The following USP10 variants were observed in gnomAD, a reference collection of about 807,000 sequenced individuals.
USP10 encodes the protein ubiquitin carboxyl-terminal hydrolase 10.
Under a neutral mutation model 84.5 loss-of-function variants are expected in USP10, and 22 were observed. The observed-to-expected ratio is 0.26, with a 90% CI of 0.19 to 0.37. The LOEUF is 0.37. Among genes scored for constraint, USP10 ranks in the 10% least tolerant of loss-of-function variants. The probability of loss-of-function intolerance (pLI) is 1.00; values close to 1 mark genes in which losing one functional copy is unlikely to be tolerated. For missense variants in USP10, 1,019 were observed against 998.9 expected, an observed-to-expected ratio of 1.02 and a Z score of -0.27; for synonymous variants, 454 against 387.6, an observed-to-expected ratio of 1.17 and a Z score of -2.01.
At chr16:84,762,928 G>A (rs2150855049) in intron 8 of USP10, 61 bp from the exon 9 acceptor site, 2 of 1,040,600 alleles carry the variant, frequency 1.9e-6, no homozygotes, top group East Asian at 4.9e-5. Flanking sequence ...AGTACTGCAT[G>A]TCCTGCAGGC....
At chr16:84,720,365 C>G (rs1472531672) in intron 1 of USP10, among the ~76,000 whole-genome samples, 1 of 152,082 alleles carries the variant, frequency 6.6e-6, no homozygotes, top group African/African-American at 2.4e-5. Context: ...ATGTAGCACT[C>G]TGTTTAATGA....
chr16:84,752,312 GA>G (rs1441285206), intron 4 of USP10, among the ~76,000 whole-genome samples: 1 of 152,162 alleles, frequency 6.6e-6, no homozygotes, highest in African/African-American at 2.4e-5. Context: ...ATGATGAATT[GA>G]AAAGAAGGCT....
chr16:84,744,665 G>C lies in USP10; in HGVS notation c.184G>C (p.Asp62His), dbSNP rs775663135. The change falls in exon 4 of 14, where the codon GAT becomes CAT. Residue 62 changes from aspartate to histidine, a missense_variant. By Grantham distance (81) the Asp-to-His change is moderately conservative (BLOSUM62 -1). Around this residue, in one of 2 missense-constraint regions of USP10, gnomAD observed 787 missense variants for 708.8 expected, o/e 1.11. Transcript: ENST00000219473. ...QEYQRIEFGV[D>H]EVIEPSDTLP... ...ATATCAGAGAATTGAGTTTGGTGTC[G>C]ATGAAGTCATTGAACCCAGTGACAC... 6.2e-7 allele frequency: 1 copy of C among 1,612,404 alleles called. No homozygotes were observed. Among genetic ancestry groups the C allele is most frequent in the Non-Finnish European group, 8.5e-7 (1 of 1,178,988 alleles).
chr16:84,772,904 C>G (rs919087983), intron 12 of USP10, among the ~76,000 whole-genome samples: 1 of 152,142 alleles, frequency 6.6e-6, no homozygotes, highest in Non-Finnish European at 1.5e-5. Context: ...ACTCTATAAT[C>G]TTACTAGATT....
chr16:84,762,583 C>T (rs1184400138), intron 8 of USP10, among the ~76,000 whole-genome samples: 5 of 151,484 alleles, frequency 3.3e-5, no homozygotes, highest in East Asian at 1.9e-4. Flanking sequence ...CCCAGCTACT[C>T]GGGAGGCTGA....
chr16:84,740,833 G>A (rs1033205668), intron 3 of USP10, among the ~76,000 whole-genome samples: 1 of 152,234 alleles, frequency 6.6e-6, no homozygotes, highest in African/African-American at 2.4e-5. Context: ...GGGAACTCAG[G>A]TCAACTCTTC....
intron 1 of USP10, among the ~76,000 whole-genome samples, chr16:84,700,331 C>T (rs985017676): frequency 6.6e-6 from 1 of 151,946 alleles, no homozygotes; most frequent in Non-Finnish European, 1.5e-5. Flanking sequence ...CCGGGGAGGT[C>T]GAAGGGCGGG....
chr16:84,745,217 C>G lies in USP10; in HGVS notation c.736C>G (p.Pro246Ala). 1.2e-6 allele frequency: 2 copies of G among 1,613,134 alleles called. No homozygotes were observed. The highest frequency in any genetic ancestry group is 1.7e-6 in the Non-Finnish European group (2 of 1,179,528). ...TRTAGQPEGG[P>A]GADFGQSCFP... ...GACTGCAGGGCAGCCAGAGGGGGGC[C>G]CCGGGGCTGATTTTGGTCAGTCCTG... Residue 246 changes from proline (P) to alanine (A), a missense_variant, in exon 4 of 14, where the codon CCC (proline) becomes GCC (alanine). Physicochemically the swap from Pro to Ala is conservative, Grantham distance 27. This residue lies in a region of USP10 where 787 missense variants were observed against 708.8 expected (regional missense o/e 1.11). Transcript: ENST00000219473.
At chr16:84,714,144 G>C (rs1418165636) in intron 1 of USP10, among the ~76,000 whole-genome samples, 2 of 152,304 alleles carry the variant, frequency 1.3e-5, no homozygotes, top group African/African-American at 4.8e-5. Context: ...GATTGTTGCA[G>C]AGACCCAGTT....
chr16:84,735,215 G>A (rs1909761784), intron 2 of USP10, among the ~76,000 whole-genome samples: 1 of 63,112 alleles, frequency 1.6e-5, no homozygotes, highest in East Asian at 8.5e-4. Flanking sequence ...GTGTGTGTGT[G>A]TGTGTGTGTG....
chr16:84,725,421 C>T (rs984895453), intron 1 of USP10, among the ~76,000 whole-genome samples: 1 of 151,854 alleles, frequency 6.6e-6, no homozygotes, highest in African/African-American at 2.4e-5. Context: ...TTTTTTGAGA[C>T]GGAGTTTTGC....
intron 10 of USP10, among the ~76,000 whole-genome samples, chr16:84,765,868 G>A (rs778993043): frequency 2.8e-4 from 43 of 152,148 alleles, no homozygotes; most frequent in Non-Finnish European, 5.7e-4. Flanking sequence ...CTTCGGAAAG[G>A]TTTTTCTTTA....
chr16:84,714,120 C>G (rs1597281550), intron 1 of USP10, among the ~76,000 whole-genome samples: 1 of 152,060 alleles, frequency 6.6e-6, no homozygotes, highest in South Asian at 2.1e-4. Flanking sequence ...GGGGTGAGCA[C>G]AGAGGCGGAG....
At chr16:84,700,491 T>A (rs867466345) in intron 1 of USP10, among the ~76,000 whole-genome samples, 15 of 152,122 alleles carry the variant, frequency 9.9e-5, no homozygotes, top group African/African-American at 3.4e-4. Context: ...GGGAGTCCCC[T>A]GGAGCGCAGG....
chr16:84,745,109 A>C lies in USP10; in HGVS notation c.628A>C (p.Asn210His). Residue 210 changes from asparagine to histidine, a missense_variant, in exon 4 of 14, where the codon AAC becomes CAC. Transcript: ENST00000219473. ...CCCGTCAGTTACGCCCAGGACTTGT[A>C]ACAGCCCCCAGAACTCCACAGACTC... ...MPPSVTPRTCNSPQNSTDSVS... is the reference protein window; with the variant it reads ...MPPSVTPRTCHSPQNSTDSVS... 1 of 1,613,558 alleles carries C rather than the reference A, an allele frequency of 6.2e-7. No individual in the cohort carries two copies. The highest frequency in any genetic ancestry group is 8.5e-7 in the Non-Finnish European group (1 of 1,179,626).
At chr16:84,743,493 G>A (rs1386391322) in intron 3 of USP10, among the ~76,000 whole-genome samples, 3 of 151,994 alleles carry the variant, frequency 2.0e-5, no homozygotes, top group Non-Finnish European at 4.4e-5. Flanking sequence ...AATATATTCA[G>A]TTCTCCGCAG....
intron 1 of USP10, among the ~76,000 whole-genome samples, chr16:84,710,648 C>A (rs1906163062): frequency 6.6e-6 from 1 of 152,128 alleles, no homozygotes; most frequent in Non-Finnish European, 1.5e-5. Context: ...TGACTTGTTA[C>A]CTTATTTTAA....
chr16:84,735,237 G>GTGT (rs1491097272), intron 2 of USP10, among the ~76,000 whole-genome samples: 2 of 141,254 alleles, frequency 1.4e-5, no homozygotes, highest in East Asian at 2.1e-4. Flanking sequence ...GTGTGTGTGT[G>GTGT]GTGTGTGTGT....
intron 4 of USP10, among the ~76,000 whole-genome samples, chr16:84,753,947 G>A (rs1365473873): frequency 1.3e-5 from 2 of 152,170 alleles, no homozygotes; most frequent in African/African-American, 4.8e-5. Context: ...GCAGAGGGGT[G>A]TTGAGGGGAG....
Sources: gnomAD v4.1 joint callset for allele counts (sites outside exome capture counted in the v4.1 genomes callset) on GRCh38, gnomAD v4.1.1 for gene constraint, gnomAD v4.1.1 regional missense constraint, MANE v1.5 for transcripts, NCBI Gene and HGNC (gene_info 2026-07-23, HGNC 2026-07-21) for gene names.